Variants in ANO6 observed in about 807,000 individuals in gnomAD.
ANO6 encodes the protein anoctamin-6.
A neutral mutation model predicts 117.5 loss-of-function variants in ANO6; 106 were observed. That is an observed-to-expected ratio of 0.90 (90% CI 0.77 to 1.06). The LOEUF (loss-of-function observed/expected upper bound fraction) is 1.06. Ranked by LOEUF, ANO6 falls within the 50% of genes least tolerant of loss-of-function variation. The pLI is 0.00. For synonymous variants in ANO6, 367 were observed against 385.1 expected (o/e 0.95, Z 0.55); for missense variants, 955 against 1,121.1 (o/e 0.85, Z 2.12).
At position 45,429,247 on chromosome 12, in the gene ANO6, T is replaced by C; in HGVS notation, c.2669T>C (p.Met890Thr). The C allele has an allele frequency of 2.5e-6, 4 of 1,613,760 alleles. No individual in the cohort carries two copies. Among genetic ancestry groups the C allele is most frequent in the South Asian group, 1.1e-5 (1 of 91,078 alleles). Reference protein sequence around the residue: ...ENHLKDMTKNMGVIAERMIEA... With the variant: ...ENHLKDMTKNTGVIAERMIEA... ...CACCTCAAAGATATGACGAAAAATA[T>C]GGGGGTGATAGCTGAGCGGATGATA... is the stretch of plus-strand genomic sequence containing the variant. Residue 890 changes from methionine to threonine, a missense_variant, in exon 20 of 20, where the codon ATG (methionine) becomes ACG (threonine). Physicochemically the swap from Met to Thr is moderately conservative, Grantham distance 81. Coordinates refer to ENST00000320560, the MANE Select transcript of ANO6 (RefSeq NM_001025356.3).
intron 1 of ANO6, among the ~76,000 whole-genome samples, chr12:45,249,670 AT>A (rs1163143329): frequency 1.3e-5 from 2 of 152,200 alleles, no homozygotes; most frequent in Non-Finnish European, 2.9e-5. Flanking sequence ...ATTTTCAAAA[AT>A]CTTTAATATT....
rs184156303 is a variant in ANO6 at position 45,280,595 on chromosome 12, G to T, written c.71-21419G>T. Among the ~76,000 whole-genome samples, 330 of 152,260 alleles carry T rather than the reference G, an allele frequency of 2.2e-3. 1 individual carries two copies. The highest frequency in any genetic ancestry group is 3.2e-3 in the Non-Finnish European group (221 of 68,012). Reference sequence around the variant, plus strand: ...AAGCCAAAAAGAAAATTGGAGTCTTGAATATTTACAGAGCTCAGAAGAAAA... The same window carrying T: ...AAGCCAAAAAGAAAATTGGAGTCTTTAATATTTACAGAGCTCAGAAGAAAA... On this transcript the variant is annotated intron_variant, in intron 1 of 19. Coordinates refer to ENST00000320560, the MANE Select transcript of ANO6 (RefSeq NM_001025356.3).
At chr12:45,402,064 G>T (rs765180835) in intron 13 of ANO6, 44 bp downstream of exon 13, 2 of 1,528,062 alleles carry the variant, frequency 1.3e-6, no homozygotes, top group Admixed American at 1.7e-5. Flanking sequence ...CATATTTTTA[G>T]AACCTGCCAA....
At chr12:45,373,484 A>G (rs1232029288) in intron 9 of ANO6, among the ~76,000 whole-genome samples, 2 of 152,234 alleles carry the variant, frequency 1.3e-5, no homozygotes, top group Non-Finnish European at 1.5e-5. Flanking sequence ...CAGCGAATGT[A>G]AAAGAACAGA....
At chr12:45,344,671 G>C (rs10880777) in intron 3 of ANO6, among the ~76,000 whole-genome samples, 10,600 of 152,120 alleles carry the variant, frequency 0.07, 579 homozygotes, top group East Asian at 0.32. Flanking sequence ...GACACAAATC[G>C]AAACCATGTC....
rs531279433 is a variant in ANO6 at position 45,266,417 on chromosome 12, A to C, written c.71-35597A>C. ...GAGACCGTATGTATTAAAGTATAAA[A>C]GATTAGGTTGGCACATAAATATGGC... On this transcript the variant is annotated intron_variant, in intron 1 of 19. Coordinates refer to ENST00000320560, the MANE Select transcript of ANO6 (RefSeq NM_001025356.3). Among the ~76,000 whole-genome samples, 279 of 152,336 alleles carry C rather than the reference A, an allele frequency of 1.8e-3. 1 individual carries two copies. The highest frequency in any genetic ancestry group is 6.1e-3 in the African/African-American group (253 of 41,584).
rs1947304691 is a variant in ANO6 at position 45,216,124 on chromosome 12, G to A, written c.-198G>A. The A allele has an allele frequency of 3.3e-6, 2 of 597,360 alleles. No homozygotes were observed. Among genetic ancestry groups the A allele is most frequent in the South Asian group, 4.0e-5 (2 of 50,222 alleles). 37.0% of individuals were successfully genotyped at this position (597,360 alleles called of 1,614,324 possible). A position where few individuals can be genotyped will look rare whatever the true frequency, so the allele number is the denominator to read the frequency against. ...TCCGGGCTCCGCTCGGCAGGCGAGA[G>A]GCGTCCTCCGGCTCTGGGCTCCGGT... On this transcript the variant is annotated 5_prime_UTR_variant, in exon 1 of 20. Coordinates refer to ENST00000320560, the MANE Select transcript of ANO6 (RefSeq NM_001025356.3).
In ANO6 at chr12:45,416,869, A is replaced by T. The variant is rs2137684077; in HGVS notation, c.2182A>T (p.Met728Leu). 6.2e-7 allele frequency: 1 copy of T among 1,614,222 alleles called. No individual in the cohort carries two copies. Among genetic ancestry groups the T allele is most frequent in the East Asian group, 2.2e-5 (1 of 44,878 alleles). The change falls in exon 17 of 20, where the codon ATG becomes TTG. Residue 728 changes from methionine to leucine, a missense_variant. Physicochemically the swap from Met to Leu is conservative, Grantham distance 15 (BLOSUM62 2). Transcript: ENST00000320560. ...AQDIGAWQPI[M>L]QGIAILAVVT... ...AGACATTGGAGCATGGCAGCCCATC[A>T]TGCAAGGAATAGCAATTCTGGCTGT...
rs749248380 is a variant in ANO6 at position 45,423,051 on chromosome 12, A to G, written c.2515A>G (p.Ile839Val). 6.2e-7 allele frequency: 1 copy of G among 1,611,360 alleles called. No homozygotes were observed. Among genetic ancestry groups the G allele is most frequent in the African/African-American group, 1.3e-5 (1 of 74,980 alleles). ...GATTGCAGCCAAGCTGGCTTTTATCATTGTCATGGAGGTAGGAAAAGTATG... is the reference window on the plus strand; with the variant it reads ...GATTGCAGCCAAGCTGGCTTTTATCGTTGTCATGGAGGTAGGAAAAGTATG... ...HVIAAKLAFI[I>V]VMEHVIYSVK... The change falls in exon 19 of 20, where the codon ATT becomes GTT. Residue 839 changes from isoleucine to valine, a missense_variant. Ile to Val is a conservative substitution (Grantham distance 29). Coordinates refer to ENST00000320560, the MANE Select transcript of ANO6 (RefSeq NM_001025356.3).
chr12:45,216,582 C>T (rs536429923), intron 1 of ANO6, among the ~76,000 whole-genome samples, 191 bp downstream of exon 1: 1 of 152,292 alleles, frequency 6.6e-6, no homozygotes, highest in South Asian at 2.1e-4. Context: ...CCCTGCGGGG[C>T]TGAGGCGCGG....
intron 12 of ANO6, among the ~76,000 whole-genome samples, chr12:45,394,808 C>T (rs1008870992): frequency 5.9e-5 from 9 of 152,158 alleles, no homozygotes; most frequent in Admixed American, 4.6e-4. Flanking sequence ...AGAACAAAGA[C>T]GCAACATGCC....
intron 1 of ANO6, among the ~76,000 whole-genome samples, chr12:45,238,046 C>T (rs1446940149): frequency 6.6e-6 from 1 of 151,850 alleles, no homozygotes; most frequent in African/African-American, 2.4e-5. Context: ...TATAGGAATG[C>T]TTGTGATTTT....
In ANO6 at chr12:45,270,711, A is replaced by T. The variant is rs1331453532; in HGVS notation, c.71-31303A>T. ...CAGTCCACATGGATTGCTGAAAATA[A>T]TCCATTCCTATATGCATGCTTCAGA... On this transcript the variant is annotated intron_variant, in intron 1 of 19. Transcript: ENST00000320560. Among the ~76,000 whole-genome samples, 7 of 152,164 alleles carry T rather than the reference A, an allele frequency of 4.6e-5. 1 individual carries two copies. Among genetic ancestry groups the T allele is most frequent in the Admixed American group, 4.6e-4 (7 of 15,270 alleles).
rs762740142 is a variant in ANO6 at position 45,430,899 on chromosome 12, A to G, written c.*1588A>G. 43 of 985,320 alleles carry G rather than the reference A, an allele frequency of 4.4e-5. No individual in the cohort carries two copies. The highest frequency in any genetic ancestry group is 5.2e-5 in the Non-Finnish European group (43 of 829,946). The allele number at this position is 985,320 out of a possible 1,614,324, so 61.0% of individuals were successfully genotyped here. A position where few individuals can be genotyped will look rare whatever the true frequency, so the allele number is the denominator to read the frequency against. On this transcript the variant is annotated 3_prime_UTR_variant, in exon 20 of 20. Transcript: ENST00000320560. ...GTGATTTGCATCATGGTCATGCTGC[A>G]TGGGCTTCACTGGGATGCTGTTAAA...
At chr12:45,347,895 T>C (rs932318813) in intron 4 of ANO6, 133 bp from the exon 5 acceptor site, 4 of 844,514 alleles carry the variant, frequency 4.7e-6, no homozygotes, top group Admixed American at 2.8e-5. Flanking sequence ...CTGTTTTTAT[T>C]GTTATCTTCA....
chr12:45,246,863 C>G (rs987698430), intron 1 of ANO6, among the ~76,000 whole-genome samples: 2 of 149,018 alleles, frequency 1.3e-5, no homozygotes, highest in Non-Finnish European at 1.5e-5. Flanking sequence ...CTCCTGGGTT[C>G]AAGCGATTAC....
chr12:45,380,344 G>A (rs1942137775), intron 10 of ANO6, among the ~76,000 whole-genome samples: 1 of 152,150 alleles, frequency 6.6e-6, no homozygotes, highest in South Asian at 2.1e-4. Context: ...TGACTGCAAT[G>A]TTTAATTTTC....
rs1400898780 is a variant in ANO6, at chr12:45,222,007, A to G, written c.70+5616A>G. On this transcript the variant is annotated intron_variant, in intron 1 of 19. Coordinates refer to ENST00000320560, the MANE Select transcript of ANO6 (RefSeq NM_001025356.3). ...CTCCATTCTCCCACCTCAGCCTCCC[A>G]AGTAGCTGGGACTACAGGCCCCCGC... 2.0e-5 allele frequency among the ~76,000 whole-genome samples: 3 copies of G among 149,904 alleles called. No individual in the cohort carries two copies. In the East Asian group the frequency reaches 5.9e-4, roughly 29 times the overall value.
At chr12:45,297,134 C>G (rs1028389047) in intron 1 of ANO6, among the ~76,000 whole-genome samples, 6 of 152,136 alleles carry the variant, frequency 3.9e-5, no homozygotes, top group Non-Finnish European at 8.8e-5. Context: ...CAGTCTATAC[C>G]CAGTGCCCTT....
Sources: allele counts gnomAD v4.1 joint callset (sites outside exome capture counted in the v4.1 genomes callset), GRCh38; gene constraint gnomAD v4.1.1; transcripts MANE v1.5; gene names NCBI Gene and HGNC (gene_info 2026-07-23, HGNC 2026-07-21).